Variants in POU2F3 observed in about 807,000 individuals in gnomAD.
The protein encoded by POU2F3 is POU domain, class 2, transcription factor 3.
Under a neutral mutation model 59.2 loss-of-function variants are expected in POU2F3, and 23 were observed. The observed-to-expected ratio is 0.39, with a 90% CI of 0.28 to 0.55. POU2F3 has a LOEUF of 0.55. Among genes scored for constraint, POU2F3 ranks in the 20% least tolerant of loss-of-function variants. The pLI, the probability that POU2F3 is intolerant of heterozygous loss-of-function variation, is 0.66. For synonymous variants in POU2F3, 190 were observed against 214.6 expected (o/e 0.89, Z 1.00); for missense variants, 473 against 544.5 (o/e 0.87, Z 1.31).
intron 3 of POU2F3, among the ~76,000 whole-genome samples, chr11:120,283,916 CAGTA>C (rs1224585714): frequency 6.8e-6 from 1 of 147,366 alleles, no homozygotes; most frequent in Non-Finnish European, 1.5e-5. Flanking sequence ...CTGGTGCATT[CAGTA>C]AGTGTGTTCT....
In POU2F3 at chr11:120,305,057, T is replaced by A; in HGVS notation, c.472T>A (p.Ser158Thr). ...ATTTGGGCACCCTGGGCTGCCAGGA[T>A]CCTCTTTAGAACCCCACCTGGAAGC... is the stretch of plus-strand genomic sequence containing the variant. ...QAFGHPGLPG[S>T]SLEPHLEASQ... The change falls in exon 7 of 13, where the codon TCC (serine) becomes ACC (threonine). Residue 158 changes from serine to threonine, a missense_variant. Physicochemically the swap from Ser to Thr is moderately conservative, Grantham distance 58. Coordinates refer to ENST00000543440, the MANE Select transcript of POU2F3 (RefSeq NM_014352.4). 1 of 1,609,800 alleles carries A rather than the reference T, an allele frequency of 6.2e-7. No individual in the cohort carries two copies. The highest frequency in any genetic ancestry group is 8.5e-7 in the Non-Finnish European group (1 of 1,178,104).
At position 120,307,552 on chromosome 11, in the gene POU2F3, G is replaced by A. The variant is rs767527937; in HGVS notation, c.843G>A (p.Lys281=). 45 of 1,614,092 alleles carry A rather than the reference G, an allele frequency of 2.8e-5. No individual in the cohort carries two copies. The South Asian group carries it at 4.6e-4, about 17-fold the overall frequency. Reference sequence around the variant, plus strand: ...GCCTCAGTGAAGTATTTGGTAGGAAGAGAAAGAAACGGACCAGCATCGAGA... The same window carrying A: ...GCCTCAGTGAAGTATTTGGTAGGAAAAGAAAGAAACGGACCAGCATCGAGA... ...YPSLSEVFGR[K]RKKRTSIETN... is the part of the protein sequence containing the mutation. Residue 281 remains lysine (K), a synonymous_variant, in exon 9 of 13, where the codon AAG becomes AAA. Coordinates refer to ENST00000543440, the MANE Select transcript of POU2F3 (RefSeq NM_014352.4).
intron 7 of POU2F3, 117 bp downstream of exon 7, chr11:120,305,329 T>A: frequency 8.4e-7 from 1 of 1,193,598 alleles, no homozygotes. Flanking sequence ...CTCCTCATCA[T>A]GTCCCTGAGT....
intron 3 of POU2F3, among the ~76,000 whole-genome samples, chr11:120,277,963 G>A (rs1174601116): frequency 6.6e-6 from 1 of 152,186 alleles, no homozygotes; most frequent in Non-Finnish European, 1.5e-5. Flanking sequence ...ACAGACACAA[G>A]TACAGGCTGA....
intron 2 of POU2F3, among the ~76,000 whole-genome samples, chr11:120,248,066 A>G (rs755758606): frequency 6.6e-6 from 1 of 152,228 alleles, no homozygotes; most frequent in African/African-American, 2.4e-5. Context: ...GGTGGGGGTT[A>G]GGAAGGTTAG....
At position 120,269,195 on chromosome 11, in the gene POU2F3, T is replaced by G; in HGVS notation, c.98-15T>G. 6.4e-7 allele frequency: 1 copy of G among 1,570,002 alleles called. No individual in the cohort carries two copies. The highest frequency in any genetic ancestry group is 8.8e-7 in the Non-Finnish European group (1 of 1,140,464). On this transcript the variant is annotated splice_polypyrimidine_tract_variant and intron_variant, in intron 2 of 12. Transcript: ENST00000543440. ...CTGCTACCAACTAATATACATATAT[T>G]TTTATCTTTTCTAGGAAATGATCGA...
chr11:120,318,255 A>G, intron 12 of POU2F3, 98 bp from the exon 13 acceptor site: 1 of 1,152,664 alleles, frequency 8.7e-7, no homozygotes, highest in Non-Finnish European at 1.3e-6. Flanking sequence ...TATTACTCCT[A>G]CCTGCAAAAG....
At chr11:120,311,366 G>A (rs1259487224) in intron 10 of POU2F3, among the ~76,000 whole-genome samples, 1 of 152,188 alleles carries the variant, frequency 6.6e-6, no homozygotes. Context: ...CAGGTATCCA[G>A]CAGAGAAAGA....
chr11:120,303,202 C>CTGAAG (rs142559837), intron 6 of POU2F3: 16,971 of 152,228 alleles, frequency 0.11, 1,207 homozygotes, highest in African/African-American at 0.18. Flanking sequence ...AGGGGAAGCT[C>CTGAAG]GCCATCTAGT....
At chr11:120,316,712 C>T (rs1941797084) in intron 11 of POU2F3, among the ~76,000 whole-genome samples, 1 of 152,224 alleles carries the variant, frequency 6.6e-6, no homozygotes, top group South Asian at 2.1e-4. Context: ...AGGCATGAGC[C>T]ACCATGCCCA....
upstream of POU2F3, among the ~76,000 whole-genome samples, chr11:120,239,018 C>A (rs1260696216): frequency 6.6e-6 from 1 of 152,012 alleles, no homozygotes; most frequent in South Asian, 2.1e-4. Context: ...TGAAGGCACA[C>A]GAAATGCTGG....
At chr11:120,266,159 C>T (rs2135185282) in intron 2 of POU2F3, among the ~76,000 whole-genome samples, 1 of 152,270 alleles carries the variant, frequency 6.6e-6, no homozygotes, top group African/African-American at 2.4e-5. Flanking sequence ...CCCAAGTCAC[C>T]CCATCGTAGT....
At chr11:120,272,570 CTCCTGT>C in intron 3 of POU2F3, among the ~76,000 whole-genome samples, 1 of 152,242 alleles carries the variant, frequency 6.6e-6, no homozygotes, top group East Asian at 1.9e-4. Flanking sequence ...CTGGGTGAAG[CTCCTGT>C]TGCAAGGCCC....
At chr11:120,317,578 A>G (rs906115582) in intron 12 of POU2F3, among the ~76,000 whole-genome samples, 1 of 152,244 alleles carries the variant, frequency 6.6e-6, no homozygotes, top group African/African-American at 2.4e-5. Context: ...CCATCCTGGC[A>G]AGGAGCTGAT....
chr11:120,269,563 T>C (rs1939975611), intron 3 of POU2F3, among the ~76,000 whole-genome samples: 1 of 152,188 alleles, frequency 6.6e-6, no homozygotes, highest in African/African-American at 2.4e-5. Flanking sequence ...GCCTCTTGGG[T>C]GGGTGTTTGC....
At chr11:120,293,409 C>T (rs939240695) in intron 3 of POU2F3, among the ~76,000 whole-genome samples, 1 of 152,130 alleles carries the variant, frequency 6.6e-6, no homozygotes, top group South Asian at 2.1e-4. Flanking sequence ...CCCATTCCAC[C>T]ACTTAGAATA....
At chr11:120,250,623 A>G (rs1939055652) in intron 2 of POU2F3, among the ~76,000 whole-genome samples, 1 of 152,164 alleles carries the variant, frequency 6.6e-6, no homozygotes, top group Non-Finnish European at 1.5e-5. Context: ...CTTTCTACCT[A>G]AAGATGGTGG....
chr11:120,257,273 GTTTCC>G lies in POU2F3; in HGVS notation c.97+10759_97+10763del, dbSNP rs1565358913. On this transcript the variant is annotated intron_variant, in intron 2 of 12. Coordinates refer to ENST00000543440, the MANE Select transcript of POU2F3 (RefSeq NM_014352.4). ...GTCACAGCGGGAGTTCAAGACCCAC[GTTTCC>G]TTAGGACCCTTTCCCTGCCCCAGAA... Among the ~76,000 whole-genome samples the G allele has an allele frequency of 1.4e-4, 21 of 152,274 alleles. No homozygotes were observed. The South Asian group carries it at 4.1e-3, about 30-fold the overall frequency.
At chr11:120,297,797 G>T (rs1046525345) in intron 3 of POU2F3, among the ~76,000 whole-genome samples, 3 of 151,908 alleles carry the variant, frequency 2.0e-5, no homozygotes, top group African/African-American at 4.8e-5. Flanking sequence ...AAGAGACAGG[G>T]TCTCACTGTG....
Sources: allele counts gnomAD v4.1 joint callset (sites outside exome capture counted in the v4.1 genomes callset), GRCh38; gene constraint gnomAD v4.1.1; transcripts MANE v1.5; gene names NCBI Gene and HGNC (gene_info 2026-07-23, HGNC 2026-07-21).